Variants in KLF10 observed in about 807,000 individuals in gnomAD.
KLF10 encodes KLF transcription factor 10.
In KLF10, 17 loss-of-function variants were observed where a neutral mutation model predicts 31.6. The ratio of observed to expected loss-of-function variants is 0.54; its 90% confidence interval spans 0.37 to 0.81. The LOEUF (loss-of-function observed/expected upper bound fraction) is 0.81. KLF10 is among the 30% of genes least tolerant of loss of function. KLF10 has a pLI of 0.00. For synonymous variants in KLF10, 239 were observed against 215.1 expected (o/e 1.11, Z -0.97); for missense variants, 525 against 598.1 (o/e 0.88, Z 1.27).
intron 1 of KLF10, chr8:102,653,983 A>T (rs1456602066): frequency 2.0e-6 from 2 of 985,186 alleles, no homozygotes; most frequent in African/African-American, 1.8e-5. Flanking sequence ...CGGGTGAGTC[A>T]CTGGGAACAT....
chr8:102,652,470 A>AAT, intron 1 of KLF10, 73 bp from the exon 2 acceptor site: 3 of 489,980 alleles, frequency 6.1e-6, no homozygotes, highest in East Asian at 3.2e-5. Context: ...AAATGAGCAA[A>AAT]TTTTTTTTTT....
Position 102,649,019 on chromosome 8 carries a change from A to G in KLF10, c.*1113T>C, listed in dbSNP as rs1027993203. 5 of 152,770 alleles carry G rather than the reference A, an allele frequency of 3.3e-5. No homozygotes were observed. The highest frequency in any genetic ancestry group is 3.9e-4 in the East Asian group (2 of 5,190). 9.5% of individuals were successfully genotyped at this position (152,770 alleles called of 1,614,324 possible). On this transcript the variant is annotated 3_prime_UTR_variant, in exon 4 of 4. Coordinates refer to ENST00000285407, the MANE Select transcript of KLF10 (RefSeq NM_005655.4). Reference sequence around the variant, plus strand: ...CTTTTGTTTTGCCACTGTGTATATCATCCACTATATAACAGAATAAAAGAG... The same window carrying G: ...CTTTTGTTTTGCCACTGTGTATATCGTCCACTATATAACAGAATAAAAGAG...
At chr8:102,653,777 G>T in intron 1 of KLF10, 1 of 1,081,900 alleles carries the variant, frequency 9.2e-7, no homozygotes, top group Non-Finnish European at 1.1e-6. Context: ...AGGCGGCAGG[G>T]AAAGAGAGCG....
At position 102,649,718 on chromosome 8, in the gene KLF10, G is replaced by A. The variant is rs373863236; in HGVS notation, c.*414C>T. The stretch of plus-strand genomic sequence containing the variant: ...CATTTTACATCTCCATGTCTGTACC[G>A]TAATGTTTATTTCCTTCCAGCCTCC... On this transcript the variant is annotated 3_prime_UTR_variant, in exon 4 of 4. Transcript: ENST00000285407. 86 of 192,320 alleles carry A rather than the reference G, an allele frequency of 4.5e-4. No individual in the cohort carries two copies. Among genetic ancestry groups the A allele is most frequent in the South Asian group, 2.7e-3 (26 of 9,520 alleles). 11.9% of individuals were successfully genotyped at this position (192,320 alleles called of 1,614,324 possible).
chr8:102,651,256 G>T lies in KLF10; in HGVS notation c.1076C>A (p.Pro359His), dbSNP rs771793433. 6.2e-7 allele frequency: 1 copy of T among 1,605,566 alleles called. No individual in the cohort carries two copies. Among genetic ancestry groups the T allele is most frequent in the Non-Finnish European group, 8.5e-7 (1 of 1,175,828 alleles). ...GFSPSAAKVT[P>H]QIDSSRIRSH... ...CCTTATCCTTGATGAATCAATCTGA[G>T]GAGTGACTTTTGCTGCTGAAGGGGA... The change falls in exon 3 of 4, where the codon CCT becomes CAT. Residue 359 changes from proline (P) to histidine (H), a missense_variant. Physicochemically the swap from Pro to His is moderately conservative, Grantham distance 77. Around this residue, in one of 3 missense-constraint regions of KLF10, gnomAD observed 434 missense variants for 450.7 expected, o/e 0.96. Transcript: ENST00000285407.
Position 102,651,873 on chromosome 8 carries a change from T to C in KLF10, c.459A>G (p.Thr153=). Residue 153 remains threonine (T), a synonymous_variant, in exon 3 of 4, where the codon ACA becomes ACG. Transcript: ENST00000285407. ...SAPKLPKAQA[T]SVIRHTADAQ... ...CATCAGCTGTATGACGAATCACACT[T>C]GTTGCCTGAGCTTTGGGGAGTTTGG... The C allele has an allele frequency of 1.9e-6, 3 of 1,614,190 alleles. No homozygotes were observed. Among genetic ancestry groups the C allele is most frequent in the Non-Finnish European group, 2.5e-6 (3 of 1,180,038 alleles).
In KLF10 at chr8:102,651,358, A is replaced by T; in HGVS notation, c.974T>A (p.Val325Asp). Residue 325 changes from valine (V) to aspartate (D), a missense_variant, in exon 3 of 4, where the codon GTT (valine) becomes GAT (aspartate). By Grantham distance (152) the Val-to-Asp change is radical (BLOSUM62 -3). Around this residue, in one of 3 missense-constraint regions of KLF10, gnomAD observed 434 missense variants for 450.7 expected, o/e 0.96. Coordinates refer to ENST00000285407, the MANE Select transcript of KLF10 (RefSeq NM_005655.4). Reference sequence around the variant, plus strand: ...CACCGGAGGCTTTGAACTCTGCACAACGGGCTGGGGTACCACAAACATGAC... The same window carrying T: ...CACCGGAGGCTTTGAACTCTGCACATCGGGCTGGGGTACCACAAACATGAC... ...GAVMFVVPQPVVQSSKPPVVS... is the reference protein window; with the variant it reads ...GAVMFVVPQPDVQSSKPPVVS... 1 of 1,598,614 alleles carries T rather than the reference A, an allele frequency of 6.3e-7. No homozygotes were observed. Among genetic ancestry groups the T allele is most frequent in the Non-Finnish European group, 8.5e-7 (1 of 1,170,890 alleles).
At chr8:102,653,985 T>G in intron 1 of KLF10, 1 of 984,218 alleles carries the variant, frequency 1.0e-6, no homozygotes, top group South Asian at 4.7e-5. Flanking sequence ...GGTGAGTCAC[T>G]GGGAACATTC....
intron 1 of KLF10, chr8:102,654,136 G>A (rs1365559669): frequency 1.1e-5 from 2 of 177,296 alleles, no homozygotes; most frequent in African/African-American, 4.8e-5. Flanking sequence ...CGTGATCAGC[G>A]GCTGCTCCGG....
Position 102,653,387 on chromosome 8 carries a change from G to A in KLF10, c.37-990C>T, listed in dbSNP as rs895310515. On this transcript the variant is annotated intron_variant, in intron 1 of 3. Coordinates refer to ENST00000285407, the MANE Select transcript of KLF10 (RefSeq NM_005655.4). ...TGCTTGATGACAAAATAACAGCACAGGTTTTGCACTTATTTGTAGAACTAC... is the reference window on the plus strand; with the variant it reads ...TGCTTGATGACAAAATAACAGCACAAGTTTTGCACTTATTTGTAGAACTAC... The A allele has an allele frequency of 1.4e-4, 167 of 1,161,750 alleles. 1 individual carries two copies. The highest frequency in any genetic ancestry group is 1.9e-4 in the Non-Finnish European group (157 of 840,862). 72.0% of individuals were successfully genotyped at this position (1,161,750 alleles called of 1,614,324 possible).
intron 1 of KLF10, among the ~76,000 whole-genome samples, chr8:102,655,246 C>T (rs1827336096): frequency 6.6e-6 from 1 of 151,584 alleles, no homozygotes; most frequent in African/African-American, 2.4e-5. Context: ...CCCCTCCCCA[C>T]TCCTCCCCCG....
chr8:102,651,400 T>C lies in KLF10; in HGVS notation c.932A>G (p.Gln311Arg). 1 of 1,610,508 alleles carries C rather than the reference T, an allele frequency of 6.2e-7. No individual in the cohort carries two copies. Among genetic ancestry groups the C allele is most frequent in the Non-Finnish European group, 8.5e-7 (1 of 1,177,936 alleles). ...AAACATGACAGCGCCTTTGGGGACTTGTGTGCCCATGAACACAACAGGGGG... is the reference window on the plus strand; with the variant it reads ...AAACATGACAGCGCCTTTGGGGACTCGTGTGCCCATGAACACAACAGGGGG... ...VCPPVVFMGT[Q>R]VPKGAVMFVV... The change falls in exon 3 of 4, where the codon CAA (glutamine) becomes CGA (arginine). Residue 311 changes from glutamine to arginine, a missense_variant. Gln to Arg is a conservative substitution (Grantham distance 43, BLOSUM62 1). This residue lies in a region of KLF10 where 434 missense variants were observed against 450.7 expected (regional missense o/e 0.96). Transcript: ENST00000285407.
chr8:102,654,337 C>T (rs1827305155), intron 1 of KLF10: 1 of 149,130 alleles, frequency 6.7e-6, no homozygotes, highest in Non-Finnish European at 1.5e-5. Flanking sequence ...GGCGCCCGCC[C>T]CTTCCAGCTC....
At chr8:102,653,780 A>G (rs920081676) in intron 1 of KLF10, 45 of 1,076,696 alleles carry the variant, frequency 4.2e-5, no homozygotes, top group Non-Finnish European at 4.1e-5. Context: ...CGGCAGGGAA[A>G]GAGAGCGTGA....
chr8:102,652,542 C>T (rs1827242738), intron 1 of KLF10, 145 bp from the exon 2 acceptor site: 2 of 570,026 alleles, frequency 3.5e-6, no homozygotes, highest in Non-Finnish European at 3.1e-6. Context: ...TCCTCTCACA[C>T]TTACTATGAT....
chr8:102,649,356 T>C lies in KLF10; in HGVS notation c.*776A>G, dbSNP rs1384658189. 6.6e-6 allele frequency: 1 copy of C among 151,978 alleles called. No individual in the cohort carries two copies. The highest frequency in any genetic ancestry group is 2.4e-5 in the African/African-American group (1 of 41,364). The allele number at this position is 151,978 out of a possible 1,614,324, so 9.4% of individuals were successfully genotyped here. A position where few individuals can be genotyped will look rare whatever the true frequency, so the allele number is the denominator to read the frequency against. On this transcript the variant is annotated 3_prime_UTR_variant, in exon 4 of 4. Coordinates refer to ENST00000285407, the MANE Select transcript of KLF10 (RefSeq NM_005655.4). ...TATCTTAGAGTCTACAGAAAACACA[T>C]TGGTATACAATTTTCAAATCTACAC...
intron 3 of KLF10, 134 bp from the exon 4 acceptor site, chr8:102,650,525 G>A (rs1827181412): frequency 2.1e-6 from 2 of 937,202 alleles, no homozygotes; most frequent in African/African-American, 1.7e-5. Flanking sequence ...AAATGAATAT[G>A]AGATATGTAT....
At chr8:102,654,976 C>T (rs1330901162) in intron 1 of KLF10, among the ~76,000 whole-genome samples, 1 of 152,136 alleles carries the variant, frequency 6.6e-6, no homozygotes, top group Non-Finnish European at 1.5e-5. Flanking sequence ...CGACAGGCGC[C>T]CCTTCCCCCA....
At chr8:102,654,089 G>A in intron 1 of KLF10, 12 of 492,760 alleles carry the variant, frequency 2.4e-5, no homozygotes, top group South Asian at 8.5e-5. Context: ...CCGGGGCGGG[G>A]GCGTGGGCGA....
Sources: allele counts gnomAD v4.1 joint callset (sites outside exome capture counted in the v4.1 genomes callset), GRCh38; gene constraint gnomAD v4.1.1; regional missense constraint gnomAD v4.1.1; transcripts MANE v1.5; gene names NCBI Gene and HGNC (gene_info 2026-07-23, HGNC 2026-07-21).